PKMYT1: variants seen among roughly 807,000 people sequenced by gnomAD.
PKMYT1 encodes membrane-associated tyrosine- and threonine-specific cdc2-inhibitory kinase.
In PKMYT1, 35 loss-of-function variants were observed where a neutral mutation model predicts 49.7. The observed-to-expected ratio is 0.70, with a 90% CI of 0.54 to 0.93. PKMYT1 has a LOEUF of 0.93. Among genes scored for constraint, PKMYT1 ranks in the 40% least tolerant of loss-of-function variants. The pLI is 0.00. For missense variants in PKMYT1, 677 were observed against 673.1 expected, an observed-to-expected ratio of 1.01 and a Z score of -0.06; for synonymous variants, 331 against 287.6, an observed-to-expected ratio of 1.15 and a Z score of -1.53.
At position 2,979,775 on chromosome 16, in the gene PKMYT1, G is replaced by A. The variant is rs2072293077; in HGVS notation, c.-118C>T. The A allele has an allele frequency of 3.9e-6, 5 of 1,269,668 alleles. No individual in the cohort carries two copies. Among genetic ancestry groups the A allele is most frequent in the South Asian group, 2.5e-5 (2 of 80,222 alleles). 78.7% of individuals were successfully genotyped at this position (1,269,668 alleles called of 1,614,324 possible). The stretch of plus-strand genomic sequence containing the variant: ...GGCGGGGGTGACCTCCGCAGCTTCC[G>A]GGGCCCTGGGCGATCGGGCCGTCTC... On this transcript the variant is annotated 5_prime_UTR_variant, in exon 2 of 9. Transcript: ENST00000262300.
chr16:2,979,475 C>G, intron 2 of PKMYT1, 173 bp downstream of exon 2: 1 of 630,442 alleles, frequency 1.6e-6, no homozygotes, highest in Non-Finnish European at 2.9e-6. Flanking sequence ...TCCTCTGACT[C>G]TAACTACCTC....
rs1282932115 is a variant in PKMYT1 at position 2,977,378 on chromosome 16, A to T, written c.11-347T>A. 6.6e-6 allele frequency: 7 copies of T among 1,055,370 alleles called. No individual in the cohort carries two copies. The African/African-American group carries it at 1.2e-4, about 17-fold the overall frequency. The allele number at this position is 1,055,370 out of a possible 1,614,324, so 65.4% of individuals were successfully genotyped here. A position where few individuals can be genotyped will look rare whatever the true frequency, so the allele number is the denominator to read the frequency against. On this transcript the variant is annotated intron_variant, in intron 2 of 8. Coordinates refer to ENST00000262300, the MANE Select transcript of PKMYT1 (RefSeq NM_004203.5). ...TCATCACGGCCAGCTCTTTGATCCT[A>T]AACTACACAACCTCTTCCGAGACTA...
rs373816680 is a variant in PKMYT1, at chr16:2,974,563, A to C, written c.966T>G (p.Pro322=). ...TCACCTACTCACCGGCAGTGAACTC[A>C]GGGGGCAGGTAGCCCTGGCGCAGCT... ...WQQLRQGYLP[P]EFTAGLSSEL... is the part of the protein sequence containing the mutation. The change falls in exon 5 of 9, where the codon CCT becomes CCG. Residue 322 remains proline (P), a synonymous_variant. Coordinates refer to ENST00000262300, the MANE Select transcript of PKMYT1 (RefSeq NM_004203.5). 3 of 1,575,446 alleles carry C rather than the reference A, an allele frequency of 1.9e-6. No individual in the cohort carries two copies. Among genetic ancestry groups the C allele is most frequent in the Non-Finnish European group, 2.6e-6 (3 of 1,160,372 alleles).
chr16:2,978,805 T>G (rs1481150016), intron 2 of PKMYT1, among the ~76,000 whole-genome samples: 5 of 149,790 alleles, frequency 3.3e-5, no homozygotes. Flanking sequence ...CCCCAAGGTA[T>G]TGTTTGTTTG....
chr16:2,978,309 G>A (rs949146404), intron 2 of PKMYT1, among the ~76,000 whole-genome samples: 1 of 152,160 alleles, frequency 6.6e-6, no homozygotes, highest in African/African-American at 2.4e-5. Flanking sequence ...GAAGAGACTG[G>A]TACCCGCATT....
At chr16:2,973,702 A>C in intron 7 of PKMYT1, 1 of 496,836 alleles carries the variant, frequency 2.0e-6, no homozygotes, top group Non-Finnish European at 3.6e-6. Context: ...TTCCCAGAGA[A>C]GGGACAATGT....
At position 2,975,651 on chromosome 16, in the gene PKMYT1, G is replaced by C; in HGVS notation, c.540C>G (p.Gly180=). The part of the protein sequence containing the change: ...CVRLEQAWEE[G]GILYLQTELC... Reference sequence around the variant, plus strand: ...GCTCCGTCTGCAGGTACAGGATGCCGCCCTCCTCCCAGGCCTGCTCCAGCC... The same window carrying C: ...GCTCCGTCTGCAGGTACAGGATGCCCCCCTCCTCCCAGGCCTGCTCCAGCC... Residue 180 remains glycine (G), a synonymous_variant, in exon 4 of 9, where the codon GGC becomes GGG. Transcript: ENST00000262300. 1 of 1,611,246 alleles carries C rather than the reference G, an allele frequency of 6.2e-7. No individual in the cohort carries two copies. Among genetic ancestry groups the C allele is most frequent in the Non-Finnish European group, 8.5e-7 (1 of 1,179,764 alleles).
Position 2,974,668 on chromosome 16 carries a change from G to T in PKMYT1, c.873-12C>A. 6.5e-7 allele frequency: 1 copy of T among 1,533,656 alleles called. No homozygotes were observed. The highest frequency in any genetic ancestry group is 2.4e-5 in the East Asian group (1 of 41,456). ...TGGTGAGGCCCAGACTGGCAGGGACGGGATGGGGACAGAAAGGGGCAGGGT... is the reference window on the plus strand; with the variant it reads ...TGGTGAGGCCCAGACTGGCAGGGACTGGATGGGGACAGAAAGGGGCAGGGT... On this transcript the variant is annotated splice_polypyrimidine_tract_variant and intron_variant, in intron 4 of 8. Coordinates refer to ENST00000262300, the MANE Select transcript of PKMYT1 (RefSeq NM_004203.5).
chr16:2,979,889 T>A lies in PKMYT1; in HGVS notation c.-232A>T, dbSNP rs2072295727. 1 of 587,024 alleles carries A rather than the reference T, an allele frequency of 1.7e-6. No homozygotes were observed. 36.4% of individuals were successfully genotyped at this position (587,024 alleles called of 1,614,324 possible). On this transcript the variant is annotated 5_prime_UTR_variant, in exon 2 of 9. Coordinates refer to ENST00000262300, the MANE Select transcript of PKMYT1 (RefSeq NM_004203.5). Reference sequence around the variant, plus strand: ...CTCCCAGGCAGGGCCGCGGCTGACTTCACTCCGTGGGTGTGGGGAAGCCCT... The same window carrying A: ...CTCCCAGGCAGGGCCGCGGCTGACTACACTCCGTGGGTGTGGGGAAGCCCT...
rs2072230906 is a variant in PKMYT1, at chr16:2,977,484, G to A, written c.11-453C>T. On this transcript the variant is annotated intron_variant, in intron 2 of 8. Transcript: ENST00000262300. Reference sequence around the variant, plus strand: ...AGTGTCTTTCTTTTTCATAACTGTCGTGCCAAAACCCAGTTAGTGGTGTCC... The same window carrying A: ...AGTGTCTTTCTTTTTCATAACTGTCATGCCAAAACCCAGTTAGTGGTGTCC... The A allele has an allele frequency of 2.4e-5, 24 of 995,040 alleles. No homozygotes were observed. The South Asian group carries it at 5.4e-4, about 22-fold the overall frequency. 61.6% of individuals were successfully genotyped at this position (995,040 alleles called of 1,614,324 possible).
rs767084677 is a variant in PKMYT1, at chr16:2,974,338, C to G, written c.1059G>C (p.Leu353=). ...DPKLRATAEA[L]LALPVLRQPR... is the part of the protein sequence containing the mutation. ...GCTGCCTCAACACAGGCAGTGCCAG[C>G]AGGGCCTCGGCCGTGGCCCGCAGCT... Residue 353 remains leucine, a synonymous_variant, in exon 6 of 9, where the codon CTG becomes CTC. Transcript: ENST00000262300. The G allele has an allele frequency of 1.9e-6, 3 of 1,608,538 alleles. No homozygotes were observed. The highest frequency in any genetic ancestry group is 1.7e-5 in the Admixed American group (1 of 59,586).
rs369839100 is a variant in PKMYT1, at chr16:2,975,342, A to G, written c.849T>C (p.Tyr283=). ...YMAPELLQGS[Y]GTAADVFSLG... Reference sequence around the variant, plus strand: ...ACCTGAACACATCCGCTGCTGTCCCATAGGAGCCCTGCAGCAGCTCGGGGG... The same window carrying G: ...ACCTGAACACATCCGCTGCTGTCCCGTAGGAGCCCTGCAGCAGCTCGGGGG... The change falls in exon 4 of 9, where the codon TAT becomes TAC. Residue 283 remains tyrosine, a synonymous_variant. Transcript: ENST00000262300. 24 of 1,612,528 alleles carry G rather than the reference A, an allele frequency of 1.5e-5. No individual in the cohort carries two copies. The highest frequency in any genetic ancestry group is 1.7e-5 in the Non-Finnish European group (20 of 1,179,790).
chr16:2,974,506 C>T, intron 5 of PKMYT1, 44 bp downstream of exon 5: 2 of 1,531,682 alleles, frequency 1.3e-6, no homozygotes, highest in Non-Finnish European at 1.8e-6. Context: ...CACTATCTCC[C>T]CAGGAGCCCG....
At chr16:2,974,460 C>A (rs755342592) in intron 5 of PKMYT1, 43 bp from the exon 6 acceptor site, 2 of 1,575,680 alleles carry the variant, frequency 1.3e-6, no homozygotes, top group Admixed American at 1.7e-5. Context: ...AGAACACCGA[C>A]TGCACCCTGA....
chr16:2,974,504 C>T (rs778894206), intron 5 of PKMYT1, 46 bp downstream of exon 5: 30 of 1,532,534 alleles, frequency 2.0e-5, no homozygotes, highest in Non-Finnish European at 2.5e-5. Flanking sequence ...GCCACTATCT[C>T]CCCAGGAGCC....
At chr16:2,973,646 G>A in intron 7 of PKMYT1, 2 of 444,372 alleles carry the variant, frequency 4.5e-6, no homozygotes, top group South Asian at 2.2e-5. Flanking sequence ...CAGGGACCAA[G>A]GACTTGTTCC....
intron 3 of PKMYT1, 40 bp downstream of exon 3, chr16:2,976,624 A>C: frequency 7.1e-7 from 1 of 1,409,634 alleles, no homozygotes; most frequent in East Asian, 2.5e-5. Flanking sequence ...AACACAAAGG[A>C]GGTCCCCCAG....
At chr16:2,977,129 T>C (rs1197868930) in intron 2 of PKMYT1, 98 bp from the exon 3 acceptor site, 55 of 1,546,878 alleles carry the variant, frequency 3.6e-5, no homozygotes, top group Non-Finnish European at 4.7e-5. Flanking sequence ...GAGCTATGTC[T>C]ATACCACACA....
In PKMYT1 at chr16:2,972,896, G is replaced by T; in HGVS notation, c.*57C>A. ...GTTCCCGAGGGGCCCCAGCTTTCAAGGGCGACGGGAGAGACACAGGATAAA... is the reference window on the plus strand; with the variant it reads ...GTTCCCGAGGGGCCCCAGCTTTCAATGGCGACGGGAGAGACACAGGATAAA... On this transcript the variant is annotated 3_prime_UTR_variant, in exon 9 of 9. Coordinates refer to ENST00000262300, the MANE Select transcript of PKMYT1 (RefSeq NM_004203.5). 6.5e-7 allele frequency: 1 copy of T among 1,550,344 alleles called. No individual in the cohort carries two copies. Among genetic ancestry groups the T allele is most frequent in the Non-Finnish European group, 8.7e-7 (1 of 1,143,138 alleles).
Sources: gnomAD v4.1 joint callset for allele counts (sites outside exome capture counted in the v4.1 genomes callset) on GRCh38, gnomAD v4.1.1 for gene constraint, MANE v1.5 for transcripts, NCBI Gene and HGNC (gene_info 2026-07-23, HGNC 2026-07-21) for gene names.